Variants in TMEM219 observed in about 807,000 individuals in gnomAD.
TMEM219 encodes transmembrane protein 219.
In TMEM219, 18 loss-of-function variants were observed where a neutral mutation model predicts 17.9. That is an observed-to-expected ratio of 1.01 (90% CI 0.70 to 1.49). TMEM219 has a LOEUF of 1.49. Ranked by LOEUF, TMEM219 falls within the 40% of genes most tolerant of loss-of-function variation. The pLI is 0.00. For missense variants in TMEM219, 288 were observed against 292.4 expected, an observed-to-expected ratio of 0.99 and a Z score of 0.11; for synonymous variants, 113 against 124.0, an observed-to-expected ratio of 0.91 and a Z score of 0.59.
intron 4 of TMEM219, among the ~76,000 whole-genome samples, chr16:29,969,330 G>T (rs529809619): frequency 6.6e-6 from 1 of 150,704 alleles, no homozygotes; most frequent in East Asian, 2.0e-4. Flanking sequence ...CCGAGTAGCT[G>T]GGACTACAGG....
chr16:29,963,882 CAA>C (rs34734372), intron 3 of TMEM219, among the ~76,000 whole-genome samples: 4 of 78,380 alleles, frequency 5.1e-5, no homozygotes, highest in Admixed American at 4.5e-4. Context: ...GACTCTGTCT[CAA>C]AAAAAAAAAA....
At chr16:29,968,897 C>T (rs1185821815) in intron 4 of TMEM219, among the ~76,000 whole-genome samples, 7 of 152,174 alleles carry the variant, frequency 4.6e-5, no homozygotes, top group Non-Finnish European at 8.8e-5. Flanking sequence ...GCAGGCCACA[C>T]AACTGGTTAA....
intron 1 of TMEM219, chr16:29,962,851 G>T (rs566373608): frequency 1.2e-5 from 5 of 416,936 alleles, no homozygotes; most frequent in African/African-American, 1.0e-4. Context: ...CAGCTGAGAA[G>T]TCTCCCTTTC....
rs1037460932 is a variant in TMEM219, at chr16:29,963,413, T to C, written c.179T>C (p.Phe60Ser). ...TTTTGCTCACAGGACTGGGTCTCTT[T>C]TTTGAGATCTTTTGGCCAGCTGACC... ...SPDIPQDWVS[F>S]LRSFGQLTLC... is the part of the protein sequence containing the mutation. The change falls in exon 3 of 6, where the codon TTT (phenylalanine) becomes TCT (serine). Residue 60 changes from phenylalanine to serine, a missense_variant. Transcript: ENST00000279396. The C allele has an allele frequency of 1.9e-6, 3 of 1,614,166 alleles. No homozygotes were observed. The highest frequency in any genetic ancestry group is 3.3e-5 in the Admixed American group (2 of 60,016).
chr16:29,967,843 T>C (rs1035871611), intron 3 of TMEM219, among the ~76,000 whole-genome samples, 182 bp from the exon 4 acceptor site: 2 of 150,794 alleles, frequency 1.3e-5, no homozygotes, highest in African/African-American at 4.9e-5. Flanking sequence ...AGGAGAATGG[T>C]GTGAACCCGG....
chr16:29,969,333 A>G (rs2069252406), intron 4 of TMEM219, among the ~76,000 whole-genome samples: 1 of 149,490 alleles, frequency 6.7e-6, no homozygotes, highest in Non-Finnish European at 1.5e-5. Flanking sequence ...AGTAGCTGGG[A>G]CTACAGGCGC....
At chr16:29,968,394 C>G in intron 4 of TMEM219, 140 bp downstream of exon 4, 1 of 645,138 alleles carries the variant, frequency 1.6e-6, no homozygotes, top group South Asian at 1.9e-5. Flanking sequence ...TGACGTAGAA[C>G]AAGTGTCTAA....
rs180751124 is a variant in TMEM219, at chr16:29,968,782, C to A, written c.585+528C>A. ...TGGTTTATAATGCACAAAGTGCTCTCAGGGTTCATTAATTCATTTGATCTT... is the reference window on the plus strand; with the variant it reads ...TGGTTTATAATGCACAAAGTGCTCTAAGGGTTCATTAATTCATTTGATCTT... On this transcript the variant is annotated intron_variant, in intron 4 of 5. Coordinates refer to ENST00000279396, the MANE Select transcript of TMEM219 (RefSeq NM_001083613.2). Among the ~76,000 whole-genome samples, 443 of 152,334 alleles carry A rather than the reference C, an allele frequency of 2.9e-3. 3 individuals carry two copies. Among genetic ancestry groups the A allele is most frequent in the African/African-American group, 0.01 (424 of 41,568 alleles).
chr16:29,965,188 T>C (rs963841556), intron 3 of TMEM219, among the ~76,000 whole-genome samples: 12 of 152,122 alleles, frequency 7.9e-5, no homozygotes, highest in Non-Finnish European at 1.8e-4. Context: ...GGGTGGTATT[T>C]TCTGACTTCT....
chr16:29,967,627 A>G (rs940169277), intron 3 of TMEM219, among the ~76,000 whole-genome samples: 4 of 152,120 alleles, frequency 2.6e-5, no homozygotes, highest in Non-Finnish European at 4.4e-5. Context: ...ATAAAGAAAG[A>G]AAGAAAATAC....
In TMEM219 at chr16:29,967,875, C is replaced by T. The variant is rs991940913; in HGVS notation, c.356-150C>T. 3.3e-5 allele frequency: 20 copies of T among 604,750 alleles called. 1 individual carries two copies. In the Admixed American group the frequency reaches 4.1e-4, roughly 12 times the overall value. 37.5% of individuals were successfully genotyped at this position (604,750 alleles called of 1,614,324 possible). ...CCGGGAGGCGGAGCTTGCAGTGAGC[C>T]GAGATTGCGCCACTGCACTCCAGCC... On this transcript the variant is annotated intron_variant, in intron 3 of 5. Coordinates refer to ENST00000279396, the MANE Select transcript of TMEM219 (RefSeq NM_001083613.2).
intron 4 of TMEM219, among the ~76,000 whole-genome samples, chr16:29,969,321 C>T (rs752915036): frequency 2.0e-5 from 3 of 151,224 alleles, no homozygotes; most frequent in East Asian, 2.0e-4. Flanking sequence ...CTCAGGCTCC[C>T]GAGTAGCTGG....
Position 29,963,325 on chromosome 16 carries a change from C to A in TMEM219, c.165+17C>A. 1 of 1,613,888 alleles carries A rather than the reference C, an allele frequency of 6.2e-7. No individual in the cohort carries two copies. The highest frequency in any genetic ancestry group is 8.5e-7 in the Non-Finnish European group (1 of 1,179,822). ...ATCCCCCAGGTAAGTTCCCCACCCC[C>A]GTACCCGCTCTTCCTTCCAACCTAG... is the stretch of plus-strand genomic sequence containing the variant. On this transcript the variant is annotated intron_variant, in intron 2 of 5. Coordinates refer to ENST00000279396, the MANE Select transcript of TMEM219 (RefSeq NM_001083613.2).
In TMEM219 at chr16:29,968,127, C is replaced by T; in HGVS notation, c.458C>T (p.Ser153Phe). ...AGTGCTGTTCCAGGAATCCTACCCT[C>T]CAGCCAGCCACCCATATCCTGCTCA... ...YFSAVPGILPSSQPPISCSEE... is the reference protein window; with the variant it reads ...YFSAVPGILPFSQPPISCSEE... Residue 153 changes from serine to phenylalanine, a missense_variant, in exon 4 of 6, where the codon TCC (serine) becomes TTC (phenylalanine). Physicochemically the swap from Ser to Phe is radical, Grantham distance 155 (BLOSUM62 -2). Transcript: ENST00000279396. 6.2e-7 allele frequency: 1 copy of T among 1,614,154 alleles called. No individual in the cohort carries two copies. Among genetic ancestry groups the T allele is most frequent in the Non-Finnish European group, 8.5e-7 (1 of 1,180,022 alleles).
intron 5 of TMEM219, chr16:29,972,189 T>C (rs1460897394): frequency 6.6e-6 from 1 of 152,274 alleles, no homozygotes; most frequent in African/African-American, 2.4e-5. Context: ...ATATGAACCA[T>C]GTTTGTCTTG....
chr16:29,962,330 A>G (rs1396514294), intron 1 of TMEM219, among the ~76,000 whole-genome samples, 198 bp downstream of exon 1: 1 of 151,706 alleles, frequency 6.6e-6, no homozygotes, highest in Non-Finnish European at 1.5e-5. Context: ...CATTTGTGAC[A>G]CCTACATTTC....
intron 4 of TMEM219, among the ~76,000 whole-genome samples, chr16:29,969,515 C>A (rs570822787): frequency 5.3e-5 from 8 of 151,610 alleles, no homozygotes; most frequent in African/African-American, 1.5e-4. Context: ...TTAAAAAAAA[C>A]ATTTTTTTTT....
At chr16:29,970,127 A>G (rs1045599088) in intron 4 of TMEM219, among the ~76,000 whole-genome samples, 2 of 151,532 alleles carry the variant, frequency 1.3e-5, no homozygotes, top group African/African-American at 2.4e-5. Flanking sequence ...CCAGCTACTC[A>G]GGAGGCTGAG....
intron 4 of TMEM219, among the ~76,000 whole-genome samples, chr16:29,970,323 CTTTTTTT>C (rs869239268): frequency 7.2e-6 from 1 of 138,140 alleles, no homozygotes; most frequent in African/African-American, 2.7e-5. Flanking sequence ...ACTGCTTGCA[CTTTTTTT>C]TTTTTTTTTT....
Sources: allele counts gnomAD v4.1 joint callset (sites outside exome capture counted in the v4.1 genomes callset), GRCh38; gene constraint gnomAD v4.1.1; transcripts MANE v1.5; gene names NCBI Gene and HGNC (gene_info 2026-07-23, HGNC 2026-07-21).